Variants in TLR4 observed in about 807,000 individuals in gnomAD.
TLR4 encodes the protein toll like receptor 4.
A neutral mutation model predicts 27.4 loss-of-function variants in TLR4; 17 were observed. That is an observed-to-expected ratio of 0.62 (90% CI 0.42 to 0.93). TLR4 has a LOEUF of 0.93. TLR4 is among the 40% of genes least tolerant of loss of function. TLR4 has a pLI of 0.00. For missense variants in TLR4, 926 were observed against 962.3 expected (o/e 0.96, Z 0.50); for synonymous variants, 363 against 365.7 (o/e 0.99, Z 0.08).
In TLR4 at chr9:117,720,419, T is replaced by G. The variant is rs905600175; in HGVS notation, c.*5771T>G. 1 of 152,116 alleles carries G rather than the reference T, an allele frequency of 6.6e-6. No individual in the cohort carries two copies. Among genetic ancestry groups the G allele is most frequent in the African/African-American group, 2.4e-5 (1 of 41,442 alleles). The allele number at this position is 152,116 out of a possible 1,614,324, so 9.4% of individuals were successfully genotyped here. A position where few individuals can be genotyped will look rare whatever the true frequency, so the allele number is the denominator to read the frequency against. On this transcript the variant is annotated 3_prime_UTR_variant, in exon 3 of 3. Transcript: ENST00000355622. ...TTGATTTCTACAGAAATAAAGATGA[T>G]CCCTCCTGTGACAGTGCTAAGTGAC...
intron 1 of TLR4, chr9:117,708,334 A>AC: frequency 7.5e-7 from 1 of 1,338,818 alleles, no homozygotes; most frequent in South Asian, 1.6e-5. Flanking sequence ...AATGCTGAGC[A>AC]CGTAGTAGGT....
At position 117,720,662 on chromosome 9, in the gene TLR4, T is replaced by C. The variant is rs7846989; in HGVS notation, c.*6014T>C. On this transcript the variant is annotated 3_prime_UTR_variant, in exon 3 of 3. Transcript: ENST00000355622. ...TGTTGTATGCTCCTAGGAAACTATC[T>C]CACTATGTAATTAAATCAAAACCAG... 0.17 allele frequency: 26,528 copies of C among 152,134 alleles called. 3,463 individuals carry two copies. Among genetic ancestry groups the C allele is most frequent in the African/African-American group, 0.37 (15,317 of 41,446 alleles). The allele number at this position is 152,134 out of a possible 1,614,324, so 9.4% of individuals were successfully genotyped here. A position where few individuals can be genotyped will look rare whatever the true frequency, so the allele number is the denominator to read the frequency against.
Position 117,721,352 on chromosome 9 carries a change from T to C in TLR4, c.*6704T>C, listed in dbSNP as rs893091418. 3.9e-5 allele frequency: 6 copies of C among 152,462 alleles called. No homozygotes were observed. The highest frequency in any genetic ancestry group is 1.9e-4 in the East Asian group (1 of 5,200). The allele number at this position is 152,462 out of a possible 1,614,324, so 9.4% of individuals were successfully genotyped here. On this transcript the variant is annotated 3_prime_UTR_variant, in exon 3 of 3. Transcript: ENST00000355622. ...TGGAACTGGAGAAGAGTATTTTCTA[T>C]CCCAAGATCGGTTCCTTGATCTTGT...
At chr9:117,712,144 C>T (rs1482527947) in intron 2 of TLR4, among the ~76,000 whole-genome samples, 1 of 152,044 alleles carries the variant, frequency 6.6e-6, no homozygotes, top group East Asian at 1.9e-4. Context: ...TTCTCCTCTG[C>T]TTATCATGTA....
chr9:117,716,387 AAAG>A lies in TLR4; in HGVS notation c.*1740_*1742del, dbSNP rs565327400. On this transcript the variant is annotated 3_prime_UTR_variant, in exon 3 of 3. Transcript: ENST00000355622. Reference sequence around the variant, plus strand: ...CAATGGGATATTATTCAGCCTAAAAAAAGGGGGAATCCTGTTATTTATGACAAC... The same window carrying A: ...CAATGGGATATTATTCAGCCTAAAAAGGGGAATCCTGTTATTTATGACAAC... 3.9e-5 allele frequency: 6 copies of A among 152,338 alleles called. No homozygotes were observed. Among genetic ancestry groups the A allele is most frequent in the African/African-American group, 1.4e-4 (6 of 41,584 alleles). 9.4% of individuals were successfully genotyped at this position (152,338 alleles called of 1,614,324 possible). A position where few individuals can be genotyped will look rare whatever the true frequency, so the allele number is the denominator to read the frequency against.
At chr9:117,705,688 G>A (rs572570623) in intron 1 of TLR4, among the ~76,000 whole-genome samples, 1 of 152,106 alleles carries the variant, frequency 6.6e-6, no homozygotes, top group Admixed American at 6.6e-5. Flanking sequence ...CACACTAACT[G>A]CTTTCCTGAT....
rs1829102136 is a variant in TLR4, at chr9:117,704,501, C to G, written c.29C>G (p.Thr10Ser). MMSASRLAG[T>S]LIPAMAFLSC... Reference sequence around the variant, plus strand: ...ATGTCTGCCTCGCGCCTGGCTGGGACTCTGATCCCAGCCATGGCCTTCCTC... The same window carrying G: ...ATGTCTGCCTCGCGCCTGGCTGGGAGTCTGATCCCAGCCATGGCCTTCCTC... The change falls in exon 1 of 3, where the codon ACT (threonine) becomes AGT (serine). Residue 10 changes from threonine to serine, a missense_variant. Transcript: ENST00000355622. 1 of 1,613,540 alleles carries G rather than the reference C, an allele frequency of 6.2e-7. No individual in the cohort carries two copies. The highest frequency in any genetic ancestry group is 1.3e-5 in the African/African-American group (1 of 74,882).
rs747615621 is a variant in TLR4, at chr9:117,723,639, A to G, written c.*8991A>G. The G allele has an allele frequency of 5.9e-5, 9 of 152,128 alleles. No homozygotes were observed. The highest frequency in any genetic ancestry group is 7.4e-5 in the Non-Finnish European group (5 of 68,004). The allele number at this position is 152,128 out of a possible 1,614,324, so 9.4% of individuals were successfully genotyped here. ...CAAGGAGGAGTTTCTCTTTTGCCCC[A>G]TGTTATAAACTCAAGAATATCTTCC... On this transcript the variant is annotated 3_prime_UTR_variant, in exon 3 of 3. Coordinates refer to ENST00000355622, the MANE Select transcript of TLR4 (RefSeq NM_138554.5).
chr9:117,714,195 G>C lies in TLR4; in HGVS notation c.2067G>C (p.Arg689Ser). The C allele has an allele frequency of 1.2e-6, 2 of 1,611,106 alleles. No individual in the cohort carries two copies. The highest frequency in any genetic ancestry group is 1.1e-5 in the South Asian group (1 of 91,062). Reference sequence around the variant, plus strand: ...CAAGCCAGGATGAGGACTGGGTAAGGAATGAGCTAGTAAAGAATTTAGAAG... The same window carrying C: ...CAAGCCAGGATGAGGACTGGGTAAGCAATGAGCTAGTAAAGAATTTAGAAG... ...IYSSQDEDWV[R>S]NELVKNLEEG... Residue 689 changes from arginine (R) to serine (S), a missense_variant, in exon 3 of 3, where the codon AGG (arginine) becomes AGC (serine). Coordinates refer to ENST00000355622, the MANE Select transcript of TLR4 (RefSeq NM_138554.5).
At chr9:117,704,867 GT>G (rs1829110015) in intron 1 of TLR4, among the ~76,000 whole-genome samples, 1 of 152,168 alleles carries the variant, frequency 6.6e-6, no homozygotes, top group African/African-American at 2.4e-5. Context: ...TCTGAGACTA[GT>G]TTTCGCATCT....
chr9:117,714,335 T>G lies in TLR4; in HGVS notation c.2207T>G (p.Val736Gly). 1 of 1,599,498 alleles carries G rather than the reference T, an allele frequency of 6.3e-7. No individual in the cohort carries two copies. The highest frequency in any genetic ancestry group is 8.6e-7 in the Non-Finnish European group (1 of 1,168,370). ...GFHKSRKVIV[V>G]VSQHFIQSRW... ...CATAAAAGCCGAAAGGTGATTGTTG[T>G]GGTGTCCCAGCACTTCATCCAGAGC... The change falls in exon 3 of 3, where the codon GTG (valine) becomes GGG (glycine). Residue 736 changes from valine to glycine, a missense_variant. Val to Gly is a moderately radical substitution (Grantham distance 109). Coordinates refer to ENST00000355622, the MANE Select transcript of TLR4 (RefSeq NM_138554.5).
rs1332200652 is a variant in TLR4 at position 117,723,382 on chromosome 9, T to C, written c.*8734T>C. On this transcript the variant is annotated 3_prime_UTR_variant, in exon 3 of 3. Transcript: ENST00000355622. Reference sequence around the variant, plus strand: ...CCATTGAGTTATAGGTGAAAGGCTGTGGAAACAAGACATTGATAGTGAAAT... The same window carrying C: ...CCATTGAGTTATAGGTGAAAGGCTGCGGAAACAAGACATTGATAGTGAAAT... The C allele has an allele frequency of 6.6e-6, 1 of 152,188 alleles. No individual in the cohort carries two copies. The highest frequency in any genetic ancestry group is 1.5e-5 in the Non-Finnish European group (1 of 68,026). 9.4% of individuals were successfully genotyped at this position (152,188 alleles called of 1,614,324 possible).
chr9:117,714,951 A>G lies in TLR4; in HGVS notation c.*303A>G, dbSNP rs201053113. On this transcript the variant is annotated 3_prime_UTR_variant, in exon 3 of 3. Coordinates refer to ENST00000355622, the MANE Select transcript of TLR4 (RefSeq NM_138554.5). The stretch of plus-strand genomic sequence containing the variant: ...GTTGAATAAAGACAGAGAAAACAGA[A>G]AGAGACATTGTTCTTTTCCTGAGTC... 4 of 412,838 alleles carry G rather than the reference A, an allele frequency of 9.7e-6. No individual in the cohort carries two copies. Among genetic ancestry groups the G allele is most frequent in the Admixed American group, 3.7e-5 (1 of 26,798 alleles). The allele number at this position is 412,838 out of a possible 1,614,324, so 25.6% of individuals were successfully genotyped here.
rs1369719135 is a variant in TLR4, at chr9:117,704,580, T to TC, written c.93+16dup. 1.2e-6 allele frequency: 2 copies of TC among 1,611,062 alleles called. No individual in the cohort carries two copies. Among genetic ancestry groups the TC allele is most frequent in the African/African-American group, 2.7e-5 (2 of 74,648 alleles). ...CCTGCGTGGAGGTATGTGGCTGGAG[T>TC]CAGCTCCTCTGAACTTTCCCTCACT... is the stretch of plus-strand genomic sequence containing the variant. On this transcript the variant is annotated intron_variant, in intron 1 of 2. Transcript: ENST00000355622.
At position 117,722,021 on chromosome 9, in the gene TLR4, C is replaced by T. The variant is rs1163364938; in HGVS notation, c.*7373C>T. On this transcript the variant is annotated 3_prime_UTR_variant, in exon 3 of 3. Transcript: ENST00000355622. ...TAGTTCTCCTAGTTTCTACCTATCACGTTGTCATTTTCCCTTCTTTATCAT... is the reference window on the plus strand; with the variant it reads ...TAGTTCTCCTAGTTTCTACCTATCATGTTGTCATTTTCCCTTCTTTATCAT... The T allele has an allele frequency of 6.6e-6, 1 of 152,178 alleles. No homozygotes were observed. The highest frequency in any genetic ancestry group is 1.5e-5 in the Non-Finnish European group (1 of 68,040). 9.4% of individuals were successfully genotyped at this position (152,178 alleles called of 1,614,324 possible). A position where few individuals can be genotyped will look rare whatever the true frequency, so the allele number is the denominator to read the frequency against.
intron 1 of TLR4, among the ~76,000 whole-genome samples, chr9:117,705,119 G>A (rs1414992932): frequency 1.3e-5 from 2 of 151,346 alleles, no homozygotes; most frequent in African/African-American, 4.9e-5. Flanking sequence ...AATGAAAAAG[G>A]AAAAGAGAGA....
rs1829305129 is a variant in TLR4, at chr9:117,714,443, A to G, written c.2315A>G (p.Gln772Arg). Residue 772 changes from glutamine to arginine, a missense_variant, in exon 3 of 3, where the codon CAG (glutamine) becomes CGG (arginine). Physicochemically the swap from Gln to Arg is conservative, Grantham distance 43. Transcript: ENST00000355622. ...GCTGGTATCATCTTCATTGTCCTGCAGAAGGTGGAGAAGACCCTGCTCAGG... is the reference window on the plus strand; with the variant it reads ...GCTGGTATCATCTTCATTGTCCTGCGGAAGGTGGAGAAGACCCTGCTCAGG... ...SRAGIIFIVL[Q>R]KVEKTLLRQQ... The G allele has an allele frequency of 1.2e-6, 2 of 1,613,918 alleles. No homozygotes were observed. The highest frequency in any genetic ancestry group is 8.5e-7 in the Non-Finnish European group (1 of 1,179,996).
chr9:117,714,957 C>T lies in TLR4; in HGVS notation c.*309C>T, dbSNP rs1829318267. The T allele has an allele frequency of 4.9e-6, 2 of 405,796 alleles. No homozygotes were observed. The allele number at this position is 405,796 out of a possible 1,614,324, so 25.1% of individuals were successfully genotyped here. A position where few individuals can be genotyped will look rare whatever the true frequency, so the allele number is the denominator to read the frequency against. Reference sequence around the variant, plus strand: ...TAAAGACAGAGAAAACAGAAAGAGACATTGTTCTTTTCCTGAGTCTTTTGA... The same window carrying T: ...TAAAGACAGAGAAAACAGAAAGAGATATTGTTCTTTTCCTGAGTCTTTTGA... On this transcript the variant is annotated 3_prime_UTR_variant, in exon 3 of 3. Transcript: ENST00000355622.
rs1829290381 is a variant in TLR4 at position 117,713,901 on chromosome 9, G to T, written c.1773G>T (p.Leu591=). 3 of 1,613,966 alleles carry T rather than the reference G, an allele frequency of 1.9e-6. No individual in the cohort carries two copies. The highest frequency in any genetic ancestry group is 2.5e-6 in the Non-Finnish European group (3 of 1,179,994). The change falls in exon 3 of 3, where the codon CTG becomes CTT. Residue 591 remains leucine (L), a synonymous_variant. Transcript: ENST00000355622. ...FACTCEHQSF[L]QWIKDQRQLL... is the part of the protein sequence containing the mutation. Reference sequence around the variant, plus strand: ...GTACTTGTGAACACCAGAGTTTCCTGCAATGGATCAAGGACCAGAGGCAGC... The same window carrying T: ...GTACTTGTGAACACCAGAGTTTCCTTCAATGGATCAAGGACCAGAGGCAGC...
Sources: gnomAD v4.1 joint callset for allele counts (sites outside exome capture counted in the v4.1 genomes callset) on GRCh38, gnomAD v4.1.1 for gene constraint, MANE v1.5 for transcripts, NCBI Gene and HGNC (gene_info 2026-07-23, HGNC 2026-07-21) for gene names.